ADAMTS2: variants seen among roughly 807,000 people sequenced by gnomAD.
The protein encoded by ADAMTS2 is ADAM metallopeptidase with thrombospondin type 1 motif 2, also known as A disintegrin and metalloproteinase with thrombospondin motifs 2.
A neutral mutation model predicts 123.0 loss-of-function variants in ADAMTS2; 50 were observed. That is an observed-to-expected ratio of 0.41 (90% confidence interval 0.32 to 0.51). The LOEUF is 0.51. ADAMTS2 is among the 20% of genes least tolerant of loss of function. The pLI, the probability that ADAMTS2 is intolerant of heterozygous loss-of-function variation, is 0.35. For synonymous variants in ADAMTS2, 678 were observed against 695.4 expected (o/e 0.98, Z 0.39); for missense variants, 1,494 against 1,705.2 (o/e 0.88, Z 2.18).
At chr5:179,311,708 G>C (rs1756836779) in intron 2 of ADAMTS2, among the ~76,000 whole-genome samples, 1 of 152,044 alleles carries the variant, frequency 6.6e-6, no homozygotes. Context: ...AGTTTAGCTA[G>C]AATCCCCGAC....
At chr5:179,309,639 C>A (rs1199405161) in intron 2 of ADAMTS2, among the ~76,000 whole-genome samples, 1 of 151,920 alleles carries the variant, frequency 6.6e-6, no homozygotes, top group South Asian at 2.1e-4. Context: ...GCACCGGTAA[C>A]CCCAGCTACT....
chr5:179,169,802 T>G (rs1366461576), intron 5 of ADAMTS2, among the ~76,000 whole-genome samples: 1 of 152,242 alleles, frequency 6.6e-6, no homozygotes, highest in Admixed American at 6.5e-5. Context: ...GAGACTCACA[T>G]GCAGAATTTC....
chr5:179,220,225 G>A (rs182079151), intron 3 of ADAMTS2, among the ~76,000 whole-genome samples: 3 of 152,310 alleles, frequency 2.0e-5, no homozygotes, highest in Admixed American at 6.5e-5. Flanking sequence ...AGATCCCCAC[G>A]GGTCCCAAAG....
intron 3 of ADAMTS2, among the ~76,000 whole-genome samples, chr5:179,227,932 G>T (rs930793313): frequency 4.6e-5 from 7 of 152,154 alleles, no homozygotes; most frequent in Non-Finnish European, 7.4e-5. Flanking sequence ...CTGAGAGGGG[G>T]AGTCACAGCT....
chr5:179,163,162 G>A (rs1459777827), intron 5 of ADAMTS2, among the ~76,000 whole-genome samples: 2 of 152,180 alleles, frequency 1.3e-5, no homozygotes, highest in Non-Finnish European at 1.5e-5. Context: ...GGGCTTGTGG[G>A]GAGTACCGGG....
chr5:179,125,620 G>T (rs572913583), intron 18 of ADAMTS2, among the ~76,000 whole-genome samples: 23 of 152,338 alleles, frequency 1.5e-4, no homozygotes, highest in Admixed American at 1.2e-3. Flanking sequence ...TTTCCCAACT[G>T]TCTTCCCCAC....
intron 5 of ADAMTS2, among the ~76,000 whole-genome samples, chr5:179,166,899 G>A (rs1763711623): frequency 6.6e-6 from 1 of 152,208 alleles, no homozygotes; most frequent in East Asian, 1.9e-4. Flanking sequence ...CCAGGATGAG[G>A]CAGCGAACGC....
chr5:179,292,082 G>C (rs1756205168), intron 2 of ADAMTS2, among the ~76,000 whole-genome samples: 1 of 151,820 alleles, frequency 6.6e-6, no homozygotes, highest in African/African-American at 2.4e-5. Context: ...AGGACGTATG[G>C]CTCACATTTT....
rs114397396 is a variant in ADAMTS2 at position 179,162,137 on chromosome 5, C to T, written c.976-3258G>A. On this transcript the variant is annotated intron_variant, in intron 5 of 21. Coordinates refer to ENST00000251582, the MANE Select transcript of ADAMTS2 (RefSeq NM_014244.5). This position sits in a 1 kb window ranked among gnomAD's most constrained non-coding sequence, Gnocchi z 5.1. ...TCACCTGCCCTCAGGGTCCTAAGCC[C>T]CATGTAGTGGGACGGTCCCTTCCGA... is the stretch of plus-strand genomic sequence containing the variant. Among the ~76,000 whole-genome samples, 207 of 152,302 alleles carry T rather than the reference C, an allele frequency of 1.4e-3. 1 individual carries two copies. The highest frequency in any genetic ancestry group is 4.8e-3 in the African/African-American group (200 of 41,558).
In ADAMTS2 at chr5:179,234,511, G is replaced by GT. The variant is rs1554090777; in HGVS notation, c.689-26797_689-26796insA. 6.7e-6 allele frequency among the ~76,000 whole-genome samples: 1 copy of GT among 148,540 alleles called. No individual in the cohort carries two copies. Among genetic ancestry groups the GT allele is most frequent in the African/African-American group, 2.6e-5 (1 of 39,162 alleles). On this transcript the variant is annotated intron_variant, in intron 3 of 21. Transcript: ENST00000251582. This position sits in a 1 kb window ranked among gnomAD's most constrained non-coding sequence, Gnocchi z 4.7. ...CATGACCATGGACCTGCTGACAGGTGCCCCCCGACCCACCTCCAGCCTGCA... is the reference window on the plus strand; with the variant it reads ...CATGACCATGGACCTGCTGACAGGTGTCCCCCCGACCCACCTCCAGCCTGCA...
intron 3 of ADAMTS2, among the ~76,000 whole-genome samples, chr5:179,253,075 T>C (rs1765964369): frequency 6.6e-6 from 1 of 152,216 alleles, no homozygotes; most frequent in Non-Finnish European, 1.5e-5. Flanking sequence ...TCGGCTTGCC[T>C]TTGGCGGCCT....
In ADAMTS2 at chr5:179,132,679, G is replaced by T; in HGVS notation, c.2209+98C>A. 7.1e-7 allele frequency: 1 copy of T among 1,413,020 alleles called. No individual in the cohort carries two copies. Among genetic ancestry groups the T allele is most frequent in the Non-Finnish European group, 9.6e-7 (1 of 1,039,170 alleles). The allele number at this position is 1,413,020 out of a possible 1,614,324, so 87.5% of individuals were successfully genotyped here. ...CTCCCCCTCCCCAGAACAGTCATAA[G>T]CCCGGACAGCCCCAGGATGAGTCAG... On this transcript the variant is annotated intron_variant, in intron 14 of 21. Coordinates refer to ENST00000251582, the MANE Select transcript of ADAMTS2 (RefSeq NM_014244.5). This position sits in a 1 kb window ranked among gnomAD's most constrained non-coding sequence, Gnocchi z 6.1.
intron 4 of ADAMTS2, among the ~76,000 whole-genome samples, chr5:179,192,796 G>T (rs1241787672): frequency 6.6e-6 from 1 of 152,180 alleles, no homozygotes; most frequent in African/African-American, 2.4e-5. Context: ...TCCCATCCTG[G>T]TAACTTCCTG....
At position 179,260,844 on chromosome 5, in the gene ADAMTS2, T is replaced by C. The variant is rs1338751253; in HGVS notation, c.688+12067A>G. Among the ~76,000 whole-genome samples, 1 of 152,186 alleles carries C rather than the reference T, an allele frequency of 6.6e-6. No homozygotes were observed. Among genetic ancestry groups the C allele is most frequent in the Non-Finnish European group, 1.5e-5 (1 of 68,028 alleles). The stretch of plus-strand genomic sequence containing the variant: ...GCGTCACGTTCTTCTTGCTCCCTGC[T>C]GTTCCCGCTACTGCTTGGACAGTGG... On this transcript the variant is annotated intron_variant, in intron 3 of 21. Coordinates refer to ENST00000251582, the MANE Select transcript of ADAMTS2 (RefSeq NM_014244.5). This position sits in a 1 kb window ranked among gnomAD's most constrained non-coding sequence, Gnocchi z 4.2.
intron 3 of ADAMTS2, among the ~76,000 whole-genome samples, chr5:179,233,018 T>G (rs1354662627): frequency 6.6e-6 from 1 of 152,148 alleles, no homozygotes; most frequent in East Asian, 1.9e-4. Flanking sequence ...CGGGAAGGCG[T>G]TCACCCTTCA....
chr5:179,147,240 C>T (rs936054597), intron 10 of ADAMTS2, among the ~76,000 whole-genome samples: 7 of 152,166 alleles, frequency 4.6e-5, no homozygotes, highest in African/African-American at 9.7e-5. Flanking sequence ...AGGCATGCGC[C>T]ACCATGCCTG....
At chr5:179,305,887 A>C (rs181472261) in intron 2 of ADAMTS2, among the ~76,000 whole-genome samples, 1 of 152,216 alleles carries the variant, frequency 6.6e-6, no homozygotes, top group African/African-American at 2.4e-5. Context: ...GAAGAAATGC[A>C]TGATTTCCTC....
In ADAMTS2 at chr5:179,189,210, C is replaced by A. The variant is rs889317408; in HGVS notation, c.892-8055G>T. Among the ~76,000 whole-genome samples the A allele has an allele frequency of 3.3e-5, 5 of 152,206 alleles. No homozygotes were observed. Among genetic ancestry groups the A allele is most frequent in the African/African-American group, 7.2e-5 (3 of 41,442 alleles). ...CACGTGCGTCCATGTGAAGAGATCA[C>A]CAAACAGGCTTTGTGTGAGCAATAA... On this transcript the variant is annotated intron_variant, in intron 4 of 21. Transcript: ENST00000251582. The surrounding 1 kb of genome is among the most constrained non-coding windows in gnomAD (Gnocchi z 4.2).
chr5:179,200,848 G>C (rs1192557259), intron 4 of ADAMTS2, among the ~76,000 whole-genome samples: 1 of 152,074 alleles, frequency 6.6e-6, no homozygotes, highest in Non-Finnish European at 1.5e-5. Flanking sequence ...ACAGGACTGG[G>C]GGAAATATTT....
Sources: allele counts gnomAD v4.1 joint callset (sites outside exome capture counted in the v4.1 genomes callset), GRCh38; gene constraint gnomAD v4.1.1; non-coding constraint Gnocchi (gnomAD v3.1); transcripts MANE v1.5; gene names NCBI Gene and HGNC (gene_info 2026-07-23, HGNC 2026-07-21).